Variants in KIAA1549L observed in about 807,000 individuals in gnomAD.
KIAA1549L encodes the protein UPF0606 protein KIAA1549L.
A neutral mutation model predicts 160.7 loss-of-function variants in KIAA1549L; 88 were observed. The ratio of observed to expected loss-of-function variants is 0.55; its 90% confidence interval spans 0.46 to 0.65. The LOEUF (loss-of-function observed/expected upper bound fraction) is 0.65. Among genes scored for constraint, KIAA1549L ranks in the 30% least tolerant of loss-of-function variants. The pLI is 0.00. For missense variants in KIAA1549L, 2,258 were observed against 2,437.5 expected, an observed-to-expected ratio of 0.93 and a Z score of 1.55; for synonymous variants, 950 against 976.7, an observed-to-expected ratio of 0.97 and a Z score of 0.51.
chr11:33,633,892 T>C (rs1362482654), intron 16 of KIAA1549L, among the ~76,000 whole-genome samples: 1 of 152,172 alleles, frequency 6.6e-6, no homozygotes, highest in Non-Finnish European at 1.5e-5. Context: ...GTACCTACTT[T>C]ATGAGGATGT....
chr11:33,534,691 A>G (rs897841898), intron 1 of KIAA1549L, among the ~76,000 whole-genome samples: 2 of 152,130 alleles, frequency 1.3e-5, no homozygotes, highest in African/African-American at 4.8e-5. Flanking sequence ...TTCTCTTTAA[A>G]TAACTTCCTC....
chr11:33,543,516 T>C lies in KIAA1549L; in HGVS notation c.1953T>C (p.Ala651=). The change falls in exon 2 of 21, where the codon GCT becomes GCC. Residue 651 remains alanine, a synonymous_variant. Coordinates refer to ENST00000658780, the MANE Select transcript of KIAA1549L (RefSeq NM_012194.3). ...SLGFSSTKPE[A]YAAAVDHSGL... is the part of the protein sequence containing the mutation. ...GCTTTTCCAGCACCAAGCCAGAGGC[T>C]TATGCAGCTGCTGTGGACCATTCTG... 3.7e-6 allele frequency: 6 copies of C among 1,614,044 alleles called. No homozygotes were observed. Among genetic ancestry groups the C allele is most frequent in the Non-Finnish European group, 5.1e-6 (6 of 1,179,890 alleles).
intron 1 of KIAA1549L, among the ~76,000 whole-genome samples, chr11:33,404,607 G>T (rs1418635219): frequency 6.6e-6 from 1 of 151,968 alleles, no homozygotes; most frequent in Non-Finnish European, 1.5e-5. Flanking sequence ...AAAATAAAAA[G>T]AAAAAGAGAT....
intron 1 of KIAA1549L, among the ~76,000 whole-genome samples, chr11:33,430,442 T>A (rs188739596): frequency 6.6e-6 from 1 of 152,304 alleles, no homozygotes; most frequent in Admixed American, 6.5e-5. Flanking sequence ...AAACTGTACA[T>A]CCAAAAGGCC....
intron 1 of KIAA1549L, among the ~76,000 whole-genome samples, chr11:33,386,519 A>G (rs1565115182): frequency 6.6e-6 from 1 of 152,066 alleles, no homozygotes; most frequent in Non-Finnish European, 1.5e-5. Flanking sequence ...TGTCTCTACT[A>G]AAAACACAAA....
At chr11:33,567,323 G>A (rs901571613) in intron 8 of KIAA1549L, among the ~76,000 whole-genome samples, 3 of 152,198 alleles carry the variant, frequency 2.0e-5, no homozygotes, top group South Asian at 4.1e-4. Context: ...TGGCTGTGAT[G>A]TACACTTTCT....
intron 1 of KIAA1549L, among the ~76,000 whole-genome samples, chr11:33,395,211 G>T (rs1850348999): frequency 1.3e-5 from 2 of 152,192 alleles, no homozygotes; most frequent in African/African-American, 4.8e-5. Context: ...TTTGTTCACT[G>T]CCTAGAGCAG....
chr11:33,612,378 G>T (rs1850669999), intron 15 of KIAA1549L, among the ~76,000 whole-genome samples: 1 of 152,196 alleles, frequency 6.6e-6, no homozygotes, highest in Non-Finnish European at 1.5e-5. Context: ...AAGGAATCAT[G>T]CTCTAGTCCA....
At chr11:33,656,884 C>G (rs758193373) in intron 18 of KIAA1549L, among the ~76,000 whole-genome samples, 1 of 152,166 alleles carries the variant, frequency 6.6e-6, no homozygotes, top group Admixed American at 6.5e-5. Flanking sequence ...CTTCTTGCCA[C>G]CAGCCGAGCC....
chr11:33,637,578 C>T (rs1851469880), intron 16 of KIAA1549L, among the ~76,000 whole-genome samples: 1 of 152,172 alleles, frequency 6.6e-6, no homozygotes, highest in Non-Finnish European at 1.5e-5. Context: ...AAACAACAGA[C>T]ATTTATTTTC....
At position 33,658,893 on chromosome 11, in the gene KIAA1549L, ACT is replaced by A; in HGVS notation, c.6004_6005del (p.Ser2002ArgfsTer2). Reference sequence around the variant, plus strand: ...CAGTTGGATCAGTCGGCTTTAAATTACTCAGGTGGGCAAGAGAAAAGCCCGAG... The same window carrying A: ...CAGTTGGATCAGTCGGCTTTAAATTACAGGTGGGCAAGAGAAAAGCCCGAG... On this transcript the variant is annotated frameshift_variant, in exon 19 of 21. Transcript: ENST00000658780. LOFTEE classifies it high-confidence loss of function. 1 of 1,551,878 alleles carries A rather than the reference ACT, an allele frequency of 6.4e-7. No individual in the cohort carries two copies. Among genetic ancestry groups the A allele is most frequent in the Non-Finnish European group, 8.7e-7 (1 of 1,147,368 alleles).
chr11:33,542,385 C>A lies in KIAA1549L; in HGVS notation c.822C>A (p.Pro274=). ...AATCCCCCAAAGTGCTGTTAGTTCC[C>A]CAAACAGCTCCAGCCGACCCCTCTT... The part of the protein sequence containing the change: ...AEQSPKVLLV[P]QTAPADPSLG... Residue 274 remains proline (P), a synonymous_variant, in exon 2 of 21, where the codon CCC becomes CCA. Coordinates refer to ENST00000658780, the MANE Select transcript of KIAA1549L (RefSeq NM_012194.3). 7.8e-7 allele frequency: 1 copy of A among 1,290,286 alleles called. No individual in the cohort carries two copies. Among genetic ancestry groups the A allele is most frequent in the East Asian group, 2.5e-5 (1 of 40,628 alleles). The allele number at this position is 1,290,286 out of a possible 1,614,324, so 79.9% of individuals were successfully genotyped here. A position where few individuals can be genotyped will look rare whatever the true frequency, so the allele number is the denominator to read the frequency against.
chr11:33,508,876 A>T (rs1173178498), intron 1 of KIAA1549L, among the ~76,000 whole-genome samples: 1 of 152,064 alleles, frequency 6.6e-6, no homozygotes, highest in East Asian at 1.9e-4. Flanking sequence ...AAGTCATTTA[A>T]CCTTTTGCTT....
chr11:33,652,764 C>T (rs560779464), intron 17 of KIAA1549L, among the ~76,000 whole-genome samples: 59 of 152,292 alleles, frequency 3.9e-4, no homozygotes, highest in Non-Finnish European at 7.5e-4. Context: ...GAAGGACCTC[C>T]AGGACAAGGA....
chr11:33,648,059 A>G (rs959097354), intron 17 of KIAA1549L, among the ~76,000 whole-genome samples: 4 of 152,096 alleles, frequency 2.6e-5, no homozygotes, highest in African/African-American at 9.7e-5. Flanking sequence ...CAGTGGCGCA[A>G]TCTTGGCTCA....
chr11:33,420,368 A>T (rs1850986757), intron 1 of KIAA1549L, among the ~76,000 whole-genome samples: 2 of 151,596 alleles, frequency 1.3e-5, no homozygotes, highest in Admixed American at 1.3e-4. Context: ...AGCTGGGACT[A>T]CAGGCACAGT....
At chr11:33,523,694 G>GT (rs1486835931) in intron 1 of KIAA1549L, among the ~76,000 whole-genome samples, 1 of 152,166 alleles carries the variant, frequency 6.6e-6, no homozygotes, top group Non-Finnish European at 1.5e-5. Context: ...TAAATGCAGT[G>GT]AAAAGTCTTA....
chr11:33,668,335 G>A lies in KIAA1549L; in HGVS notation c.*181G>A. On this transcript the variant is annotated 3_prime_UTR_variant, in exon 21 of 21. Transcript: ENST00000658780. The stretch of plus-strand genomic sequence containing the variant: ...AAACTCTTGAACGACTAGATTCTTG[G>A]CTCATCCAACTGATTGTGGGTCAAG... 1.6e-6 allele frequency: 1 copy of A among 635,074 alleles called. No individual in the cohort carries two copies. Among genetic ancestry groups the A allele is most frequent in the South Asian group, 2.0e-5 (1 of 49,088 alleles). 39.3% of individuals were successfully genotyped at this position (635,074 alleles called of 1,614,324 possible).
intron 1 of KIAA1549L, among the ~76,000 whole-genome samples, chr11:33,408,707 C>G (rs71480909): frequency 6.8e-6 from 1 of 147,124 alleles, no homozygotes; most frequent in Middle Eastern, 3.3e-3. Context: ...ATTAAGTGTT[C>G]TACGGATCAC....
Sources: gnomAD v4.1 joint callset for allele counts (sites outside exome capture counted in the v4.1 genomes callset) on GRCh38, gnomAD v4.1.1 for gene constraint, MANE v1.5 for transcripts, NCBI Gene and HGNC (gene_info 2026-07-23, HGNC 2026-07-21) for gene names.